GATAD2A: variants seen among roughly 807,000 people sequenced by gnomAD.
GATAD2A encodes the protein GATA zinc finger domain containing 2A.
In GATAD2A, 12 loss-of-function variants were observed where a neutral mutation model predicts 68.5. The ratio of observed to expected loss-of-function variants is 0.18; its 90% confidence interval spans 0.11 to 0.28. The LOEUF is 0.28. Ranked by LOEUF, GATAD2A falls within the 10% of genes least tolerant of loss-of-function variation. The pLI, the probability that GATAD2A is intolerant of heterozygous loss-of-function variation, is 1.00. For synonymous variants in GATAD2A, 410 were observed against 375.3 expected, an observed-to-expected ratio of 1.09 and a Z score of -1.07; for missense variants, 755 against 868.5, an observed-to-expected ratio of 0.87 and a Z score of 1.64.
intron 8 of GATAD2A, among the ~76,000 whole-genome samples, chr19:19,499,904 C>T (rs945965906): frequency 6.6e-6 from 1 of 152,222 alleles, no homozygotes; most frequent in African/African-American, 2.4e-5. Context: ...GGAGGTGAGG[C>T]TCTGACACAG....
At chr19:19,477,867 C>G (rs2058778384) in intron 2 of GATAD2A, among the ~76,000 whole-genome samples, 1 of 152,192 alleles carries the variant, frequency 6.6e-6, no homozygotes, top group Non-Finnish European at 1.5e-5. Context: ...ACACTGAGGT[C>G]CTGGGTGACC....
intron 1 of GATAD2A, among the ~76,000 whole-genome samples, chr19:19,418,793 G>A (rs547248741): frequency 5.3e-5 from 8 of 152,282 alleles, no homozygotes; most frequent in African/African-American, 1.9e-4. Flanking sequence ...GAAGACAGGT[G>A]GGTGTCCCGC....
At chr19:19,408,216 A>T (rs997590269) in intron 1 of GATAD2A, among the ~76,000 whole-genome samples, 3 of 152,022 alleles carry the variant, frequency 2.0e-5, no homozygotes, top group African/African-American at 7.2e-5. Flanking sequence ...CGAACTCCTG[A>T]CCTCGTGATC....
At chr19:19,504,703 A>G (rs925684953) in intron 11 of GATAD2A, among the ~76,000 whole-genome samples, 7 of 144,978 alleles carry the variant, frequency 4.8e-5, no homozygotes, top group East Asian at 2.0e-4. Flanking sequence ...GCTGGAATGC[A>G]GTAGCGCGAT....
At chr19:19,473,774 T>TAAA (rs1192789940) in intron 2 of GATAD2A, among the ~76,000 whole-genome samples, 7 of 123,384 alleles carry the variant, frequency 5.7e-5, no homozygotes, top group Non-Finnish European at 8.6e-5. Flanking sequence ...CGTCTCTACT[T>TAAA]AAAAAAAAAA....
intron 1 of GATAD2A, among the ~76,000 whole-genome samples, chr19:19,424,337 C>G (rs756400738): frequency 6.6e-6 from 1 of 152,178 alleles, no homozygotes. Flanking sequence ...TCAAGTGATT[C>G]TCCTGCTTCA....
chr19:19,505,281 G>T, intron 11 of GATAD2A, 63 bp from the exon 12 acceptor site: 1 of 1,550,600 alleles, frequency 6.4e-7, no homozygotes, highest in South Asian at 1.1e-5. Flanking sequence ...AGCTATGGCT[G>T]GGCTCCTCCC....
At chr19:19,426,878 T>C (rs2053157609) in intron 1 of GATAD2A, among the ~76,000 whole-genome samples, 1 of 152,194 alleles carries the variant, frequency 6.6e-6, no homozygotes, top group African/African-American at 2.4e-5. Flanking sequence ...TAGTGAAGCA[T>C]GTCAGTGGCA....
chr19:19,500,933 C>T (rs1362875306), intron 8 of GATAD2A, among the ~76,000 whole-genome samples, 185 bp from the exon 9 acceptor site: 1 of 152,226 alleles, frequency 6.6e-6, no homozygotes. Context: ...GGACAGGAGG[C>T]CGACGTTTTC....
chr19:19,414,927 A>T (rs569528102), intron 1 of GATAD2A, among the ~76,000 whole-genome samples: 3 of 132,770 alleles, frequency 2.3e-5, no homozygotes, highest in Admixed American at 8.3e-5. Flanking sequence ...GGGAGAACTT[A>T]GGGCTGCCTC....
intron 2 of GATAD2A, among the ~76,000 whole-genome samples, chr19:19,473,407 TGG>T (rs1347184722): frequency 2.0e-5 from 3 of 152,172 alleles, no homozygotes; most frequent in Non-Finnish European, 4.4e-5. Context: ...TAAAACACAC[TGG>T]AAATGTAGTC....
chr19:19,481,562 G>A (rs1174903137), intron 2 of GATAD2A, among the ~76,000 whole-genome samples: 1 of 152,108 alleles, frequency 6.6e-6, no homozygotes, highest in Non-Finnish European at 1.5e-5. Context: ...CAAAGCTCAG[G>A]TCATCCTCTC....
intron 2 of GATAD2A, among the ~76,000 whole-genome samples, chr19:19,490,575 T>C (rs531417869): frequency 1.3e-5 from 2 of 152,280 alleles, no homozygotes; most frequent in East Asian, 3.9e-4. Context: ...AGAGGACGTG[T>C]CTGTCCTTGG....
chr19:19,412,638 G>A (rs1422552969), intron 1 of GATAD2A, among the ~76,000 whole-genome samples: 1 of 151,826 alleles, frequency 6.6e-6, no homozygotes, highest in Non-Finnish European at 1.5e-5. Flanking sequence ...TCTGCGGGGG[G>A]GATAAAAAAG....
intron 9 of GATAD2A, 50 bp from the exon 10 acceptor site, chr19:19,501,919 G>T: frequency 6.9e-7 from 1 of 1,455,046 alleles, no homozygotes; most frequent in Non-Finnish European, 9.6e-7. Flanking sequence ...GGTCACCCTG[G>T]GCCGGCCAGC....
chr19:19,467,952 T>A (rs922196976), intron 2 of GATAD2A, among the ~76,000 whole-genome samples: 2 of 152,206 alleles, frequency 1.3e-5, no homozygotes, highest in African/African-American at 2.4e-5. Context: ...TCTCTCAGTC[T>A]CCCAACTTGT....
chr19:19,498,725 G>A lies in GATAD2A; in HGVS notation c.1204+3G>A. 1.2e-6 allele frequency: 2 copies of A among 1,603,786 alleles called. No homozygotes were observed. Among genetic ancestry groups the A allele is most frequent in the Non-Finnish European group, 1.7e-6 (2 of 1,173,082 alleles). ...GCAGAACCTACTGGAGACACAAGGTGAGTGGCCTGGACCCAGCCGGGCTGC... is the reference window on the plus strand; with the variant it reads ...GCAGAACCTACTGGAGACACAAGGTAAGTGGCCTGGACCCAGCCGGGCTGC... On this transcript the variant is annotated splice_donor_region_variant and intron_variant, in intron 8 of 11. Transcript: ENST00000683918.
Position 19,498,476 on chromosome 19 carries a change from A to G in GATAD2A, c.958A>G (p.Thr320Ala), listed in dbSNP as rs761977788. 9.9e-6 allele frequency: 16 copies of G among 1,609,900 alleles called. No homozygotes were observed. The African/African-American group carries it at 2.0e-4, about 20-fold the overall frequency. Residue 320 changes from threonine to alanine, a missense_variant, in exon 8 of 12, where the codon ACC becomes GCC. By Grantham distance (58) the Thr-to-Ala change is moderately conservative. Transcript: ENST00000683918. ...AGCATCACTGAAGGGGACAACAGCC[A>G]CCTCCGCTCAGGCCAACTCCACCCC... ...TPASLKGTTA[T>A]SAQANSTPTS...
chr19:19,393,109 A>G (rs1386886573), intron 1 of GATAD2A, among the ~76,000 whole-genome samples: 1 of 152,018 alleles, frequency 6.6e-6, no homozygotes, highest in Non-Finnish European at 1.5e-5. Flanking sequence ...GTTTGAGACC[A>G]GCCTGGCCAA....
Sources: allele counts gnomAD v4.1 joint callset (sites outside exome capture counted in the v4.1 genomes callset), GRCh38; gene constraint gnomAD v4.1.1; transcripts MANE v1.5; gene names NCBI Gene and HGNC (gene_info 2026-07-23, HGNC 2026-07-21).